Variants in CACNA2D3 observed in about 807,000 individuals in gnomAD.
CACNA2D3 encodes the protein calcium voltage-gated channel auxiliary subunit alpha2delta 3.
In CACNA2D3, 60 loss-of-function variants were observed where a neutral mutation model predicts 160.6. The ratio of observed to expected loss-of-function variants is 0.37; its 90% CI spans 0.30 to 0.46. The LOEUF is 0.46. Among genes scored for constraint, CACNA2D3 ranks in the 20% least tolerant of loss-of-function variants. CACNA2D3 has a pLI of 1.00. For missense variants in CACNA2D3, 1,205 were observed against 1,365.0 expected (o/e 0.88, Z 1.85); for synonymous variants, 558 against 492.9 (o/e 1.13, Z -1.75).
chr3:54,830,270 T>C (rs1399725387), intron 14 of CACNA2D3, among the ~76,000 whole-genome samples: 1 of 151,648 alleles, frequency 6.6e-6, no homozygotes, highest in African/African-American at 2.4e-5. Flanking sequence ...AAAGAATCAA[T>C]GGTTCTCTTT....
intron 27 of CACNA2D3, among the ~76,000 whole-genome samples, chr3:54,925,411 C>G (rs1700986617): frequency 6.6e-6 from 1 of 152,206 alleles, no homozygotes; most frequent in African/African-American, 2.4e-5. Flanking sequence ...TCATTACCTT[C>G]TGCAGTCTTT....
At chr3:54,730,213 G>T (rs1381971695) in intron 11 of CACNA2D3, among the ~76,000 whole-genome samples, 1 of 152,112 alleles carries the variant, frequency 6.6e-6, no homozygotes, top group Admixed American at 6.5e-5. Context: ...TTAGAGCATA[G>T]TAATGAACAA....
chr3:54,566,246 C>T (rs1702407387), intron 6 of CACNA2D3, among the ~76,000 whole-genome samples: 2 of 152,310 alleles, frequency 1.3e-5, no homozygotes, highest in South Asian at 2.1e-4. Flanking sequence ...AGTACCTGCC[C>T]TTTCCACCCC....
In CACNA2D3 at chr3:54,651,182, T is replaced by C. The variant is rs1575406371; in HGVS notation, c.1167+8941T>C. On this transcript the variant is annotated intron_variant, in intron 11 of 37. Transcript: ENST00000474759. ...ACATTGTCATCGGGACAGTAAGTCC[T>C]TTTCCTTGGCCTCCTGCCCCCAAGT... 2.0e-5 allele frequency among the ~76,000 whole-genome samples: 3 copies of C among 152,220 alleles called. No homozygotes were observed. The East Asian group carries it at 5.8e-4, about 30-fold the overall frequency.
chr3:54,388,627 G>A (rs891379987), intron 4 of CACNA2D3, among the ~76,000 whole-genome samples: 8 of 152,200 alleles, frequency 5.3e-5, no homozygotes, highest in Admixed American at 4.6e-4. Context: ...AGAAGATAGT[G>A]AGAAGAACCT....
chr3:54,796,895 G>A (rs193087752), intron 13 of CACNA2D3, among the ~76,000 whole-genome samples: 1 of 145,880 alleles, frequency 6.9e-6, no homozygotes, highest in Admixed American at 6.7e-5. Flanking sequence ...ACAGAGCTCC[G>A]TGTGAAGGCA....
At chr3:54,488,188 C>G (rs1389812344) in intron 4 of CACNA2D3, among the ~76,000 whole-genome samples, 1 of 152,174 alleles carries the variant, frequency 6.6e-6, no homozygotes, top group Non-Finnish European at 1.5e-5. Flanking sequence ...CAAGCATGAC[C>G]TTGGGTTATT....
chr3:54,411,515 C>G (rs1006311559), intron 4 of CACNA2D3, among the ~76,000 whole-genome samples: 1 of 152,166 alleles, frequency 6.6e-6, no homozygotes, highest in Non-Finnish European at 1.5e-5. Context: ...ACTAAAGGCT[C>G]AGATGATCAT....
intron 12 of CACNA2D3, among the ~76,000 whole-genome samples, chr3:54,762,017 ACT>A (rs1702089380): frequency 6.6e-6 from 1 of 151,744 alleles, no homozygotes; most frequent in South Asian, 2.1e-4. Flanking sequence ...AGGCACACAT[ACT>A]CTCTTTAATT....
intron 3 of CACNA2D3, among the ~76,000 whole-genome samples, chr3:54,325,270 G>A (rs539260429): frequency 2.6e-5 from 4 of 152,310 alleles, no homozygotes; most frequent in Admixed American, 6.5e-5. Flanking sequence ...TTCCATCACA[G>A]CCAAGGGGGT....
At chr3:54,985,512 C>G (rs551450692) in intron 30 of CACNA2D3, among the ~76,000 whole-genome samples, 2 of 152,308 alleles carry the variant, frequency 1.3e-5, no homozygotes, top group South Asian at 4.1e-4. Flanking sequence ...TGTTAGCTCT[C>G]TTCCTTAACT....
At chr3:54,425,313 A>G (rs1354570244) in intron 4 of CACNA2D3, among the ~76,000 whole-genome samples, 1 of 152,148 alleles carries the variant, frequency 6.6e-6, no homozygotes, top group Non-Finnish European at 1.5e-5. Flanking sequence ...CCCGGGTGAC[A>G]AGAGTGAAAC....
chr3:55,064,180 G>A (rs952624646), intron 35 of CACNA2D3, among the ~76,000 whole-genome samples: 2 of 152,214 alleles, frequency 1.3e-5, no homozygotes, highest in Admixed American at 6.5e-5. Flanking sequence ...TGGAGGAGGG[G>A]ACTGAATCTC....
chr3:54,958,583 G>C (rs1701958987), intron 27 of CACNA2D3, among the ~76,000 whole-genome samples: 1 of 152,160 alleles, frequency 6.6e-6, no homozygotes, highest in Non-Finnish European at 1.5e-5. Flanking sequence ...CCTGAGTAAA[G>C]CAATAGTTAT....
chr3:54,997,378 G>C (rs1287265057), intron 31 of CACNA2D3, among the ~76,000 whole-genome samples: 1 of 152,028 alleles, frequency 6.6e-6, no homozygotes, highest in East Asian at 1.9e-4. Flanking sequence ...TTGCAGATAG[G>C]AGGTGAGATG....
chr3:54,857,941 G>A (rs536237888), intron 17 of CACNA2D3, among the ~76,000 whole-genome samples: 1 of 152,166 alleles, frequency 6.6e-6, no homozygotes, highest in South Asian at 2.1e-4. Flanking sequence ...TAATAACTGA[G>A]AGTAGGCACT....
At chr3:54,477,120 G>A (rs1197377222) in intron 4 of CACNA2D3, among the ~76,000 whole-genome samples, 2 of 152,130 alleles carry the variant, frequency 1.3e-5, no homozygotes, top group Admixed American at 1.3e-4. Context: ...ATACTATCAA[G>A]ATAACTTGGG....
At chr3:54,768,169 A>T (rs1702256009) in intron 13 of CACNA2D3, among the ~76,000 whole-genome samples, 1 of 152,136 alleles carries the variant, frequency 6.6e-6, no homozygotes, top group Admixed American at 6.5e-5. Context: ...CTTGAGGGGG[A>T]AAAAGTGGCA....
chr3:55,036,759 C>T (rs1703825781), intron 35 of CACNA2D3, among the ~76,000 whole-genome samples: 1 of 152,182 alleles, frequency 6.6e-6, no homozygotes, highest in South Asian at 2.1e-4. Flanking sequence ...AGCCACTGCG[C>T]TCGGCCGTGT....
Sources: gnomAD v4.1 joint callset for allele counts (sites outside exome capture counted in the v4.1 genomes callset) on GRCh38, gnomAD v4.1.1 for gene constraint, MANE v1.5 for transcripts, NCBI Gene and HGNC (gene_info 2026-07-23, HGNC 2026-07-21) for gene names.